The following OPRM1 variants were observed in gnomAD, a reference collection of about 807,000 sequenced individuals.
The protein encoded by OPRM1 is opioid receptor mu 1.
A neutral mutation model predicts 31.8 loss-of-function variants in OPRM1; 27 were observed. The ratio of observed to expected loss-of-function variants is 0.85; its 90% CI spans 0.63 to 1.17. The LOEUF is 1.17. Among genes scored for constraint, OPRM1 ranks in the 50% most tolerant of loss-of-function variants. The pLI, the probability that OPRM1 is intolerant of heterozygous loss-of-function variation, is 0.00. For missense variants in OPRM1, 536 were observed against 511.1 expected (o/e 1.05, Z -0.47); for synonymous variants, 196 against 189.9 (o/e 1.03, Z -0.26).
At chr6:154,033,369 C>A (rs955307726) in intron 1 of OPRM1, among the ~76,000 whole-genome samples, 2 of 152,070 alleles carry the variant, frequency 1.3e-5, no homozygotes, top group Admixed American at 1.3e-4. Context: ...GAATAAAGTG[C>A]CAGTTTTTAA....
chr6:154,231,100 G>A (rs538066338), intron 3 of OPRM1, among the ~76,000 whole-genome samples: 1 of 152,306 alleles, frequency 6.6e-6, no homozygotes, highest in South Asian at 2.1e-4. Context: ...TCTAAACTCT[G>A]AGCTGAGCTG....
At chr6:154,055,482 G>A (rs775514049) in intron 1 of OPRM1, among the ~76,000 whole-genome samples, 6 of 151,896 alleles carry the variant, frequency 4.0e-5, no homozygotes, top group Non-Finnish European at 8.8e-5. Flanking sequence ...CACACCATCA[G>A]TATGCAACCT....
intron 1 of OPRM1, among the ~76,000 whole-genome samples, chr6:154,021,666 A>G (rs1255263229): frequency 6.6e-6 from 1 of 152,188 alleles, no homozygotes; most frequent in Non-Finnish European, 1.5e-5. Flanking sequence ...AAGGTCTTAT[A>G]TATTTTCGTT....
At chr6:154,036,262 T>C (rs1439860494), upstream of OPRM1, among the ~76,000 whole-genome samples, 10 of 152,106 alleles carry the variant, frequency 6.6e-5, no homozygotes, top group Admixed American at 2.0e-4. Context: ...AAATTTGTTC[T>C]GCAGCTTCCT....
At chr6:154,084,917 A>AACACACACACACACAC (rs71669485) in intron 1 of OPRM1, among the ~76,000 whole-genome samples, 1 of 146,398 alleles carries the variant, frequency 6.8e-6, no homozygotes, top group African/African-American at 2.5e-5. Flanking sequence ...TGTGGAATTA[A>AACACACACACACACAC]ACACACACAC....
Position 154,089,757 on chromosome 6 carries a change from T to C in OPRM1, c.291-69T>C, listed in dbSNP as rs961426407. 12 of 1,073,946 alleles carry C rather than the reference T, an allele frequency of 1.1e-5. No homozygotes were observed. The African/African-American group carries it at 1.9e-4, about 17-fold the overall frequency. 66.5% of individuals were successfully genotyped at this position (1,073,946 alleles called of 1,614,324 possible). On this transcript the variant is annotated intron_variant, in intron 1 of 3. Transcript: ENST00000330432. Reference sequence around the variant, plus strand: ...TCTACTAATTCATGCAAATTTATTATTGGAAGCTTACCTATATTTTACACT... The same window carrying C: ...TCTACTAATTCATGCAAATTTATTACTGGAAGCTTACCTATATTTTACACT...
chr6:154,100,039 T>TG lies in OPRM1; in HGVS notation c.1164+8567_1164+8568insG, dbSNP rs767489279. Among the ~76,000 whole-genome samples, 13 of 85,000 alleles carry TG rather than the reference T, an allele frequency of 1.5e-4. No homozygotes were observed. In the Admixed American group the frequency reaches 1.8e-3, roughly 12 times the overall value. 55.8% of individuals were successfully genotyped at this position (85,000 alleles called of 152,430 possible). On this transcript the variant is annotated intron_variant, in intron 3 of 3. Transcript: ENST00000330432. Reference sequence around the variant, plus strand: ...TATCATAACATATTATATATTATCATATGATATATATCATATGATATATAT... The same window carrying TG: ...TATCATAACATATTATATATTATCATGATGATATATATCATATGATATATAT...
At chr6:154,107,565 G>A (rs1209265762) in intron 3 of OPRM1, 1 of 718,522 alleles carries the variant, frequency 1.4e-6, no homozygotes, top group Non-Finnish European at 2.6e-6. Context: ...AGAGTCTAGA[G>A]CATTAATTTT....
At chr6:154,092,019 A>T in intron 3 of OPRM1, 1 of 684,870 alleles carries the variant, frequency 1.5e-6, no homozygotes, top group Non-Finnish European at 1.8e-6. Context: ...TTGGTTTGCT[A>T]CCTGAACTCT....
intron 3 of OPRM1, among the ~76,000 whole-genome samples, chr6:154,172,264 C>A (rs1799935160): frequency 6.6e-6 from 1 of 152,296 alleles, no homozygotes; most frequent in Non-Finnish European, 1.5e-5. Flanking sequence ...ACTGAAGTAC[C>A]TGGTTCATCT....
chr6:154,037,817 C>G (rs1352731117), upstream of OPRM1, among the ~76,000 whole-genome samples: 1 of 151,914 alleles, frequency 6.6e-6, no homozygotes, highest in East Asian at 1.9e-4. Flanking sequence ...CATACAGCTA[C>G]AAAGTTACAA....
Position 154,228,164 on chromosome 6 carries a change from C to T in OPRM1, c.1165-18529C>T, listed in dbSNP as rs181047298. The stretch of plus-strand genomic sequence containing the variant: ...TCCTTCTTCTTCAATTCCTAACTTT[C>T]TAAAAAGTTTCCTGCAGGCAGCCAA... On this transcript the variant is annotated intron_variant, in intron 3 of 3. Coordinates refer to the OPRM1 transcript ENST00000337049. Among the ~76,000 whole-genome samples the T allele has an allele frequency of 2.7e-3, 407 of 151,996 alleles. 4 individuals carry two copies. The highest frequency in any genetic ancestry group is 0.024 in the Admixed American group (359 of 15,256).
At position 154,152,318 on chromosome 6, in the gene OPRM1, AGAAAGAAAGAAAGAAAGAAAGAAAGAAAG is replaced by A. The variant is rs1370996365; in HGVS notation, c.1164+60876_1164+60904del. 2.2e-3 allele frequency among the ~76,000 whole-genome samples: 116 copies of A among 52,886 alleles called. 1 individual carries two copies. Among genetic ancestry groups the A allele is most frequent in the African/African-American group, 6.9e-3 (111 of 16,026 alleles). The allele number at this position is 52,886 out of a possible 152,430, so 34.7% of individuals were successfully genotyped here. A position where few individuals can be genotyped will look rare whatever the true frequency, so the allele number is the denominator to read the frequency against. On this transcript the variant is annotated intron_variant, in intron 3 of 3. Transcript: ENST00000337049. ...AGAGAAGAAAGAAAGAAAGAAAGAAAGAAAGAAAGAAAGAAAGAAAGAAAGAAAGGAAAGAAAGAAAGAAAGAAAGAAAG... is the reference window on the plus strand; with the variant it reads ...AGAGAAGAAAGAAAGAAAGAAAGAAAGAAAGAAAGAAAGAAAGAAAGAAAG...
At chr6:154,063,335 G>A (rs1219949391) in intron 1 of OPRM1, among the ~76,000 whole-genome samples, 2 of 151,864 alleles carry the variant, frequency 1.3e-5, no homozygotes, top group African/African-American at 4.8e-5. Flanking sequence ...TATACAGATA[G>A]CTTATGTTTC....
At chr6:154,151,723 C>T (rs1182532552) in intron 3 of OPRM1, among the ~76,000 whole-genome samples, 1 of 152,106 alleles carries the variant, frequency 6.6e-6, no homozygotes, top group African/African-American at 2.4e-5. Context: ...TTCCCTACAC[C>T]TCCTACTCTG....
chr6:154,030,369 G>A lies in OPRM1; in HGVS notation c.1-8792G>A, dbSNP rs1284048612. Among the ~76,000 whole-genome samples, 4 of 152,270 alleles carry A rather than the reference G, an allele frequency of 2.6e-5. No individual in the cohort carries two copies. In the East Asian group the frequency reaches 7.7e-4, roughly 29 times the overall value. ...CTTTTATACCCAGAAAAATTTTAAA[G>A]ATTCAAAACAGGACTATGTCTGTCT... On this transcript the variant is annotated intron_variant, in intron 1 of 5. Coordinates refer to the OPRM1 transcript ENST00000434900.
rs151304372 is a variant in OPRM1 at position 154,202,244 on chromosome 6, G to T, written c.1165-44449G>T. Reference sequence around the variant, plus strand: ...CTTCTCAATAATCATATACTGGCACGTACATAAAAAAAATCCATTCAGGAA... The same window carrying T: ...CTTCTCAATAATCATATACTGGCACTTACATAAAAAAAATCCATTCAGGAA... On this transcript the variant is annotated intron_variant, in intron 3 of 3. Coordinates refer to the OPRM1 transcript ENST00000337049. Among the ~76,000 whole-genome samples the T allele has an allele frequency of 3.0e-3, 460 of 152,000 alleles. 4 individuals carry two copies. The highest frequency in any genetic ancestry group is 0.01 in the African/African-American group (435 of 41,478).
At chr6:154,114,210 T>C (rs1583603290) in intron 3 of OPRM1, among the ~76,000 whole-genome samples, 2 of 152,186 alleles carry the variant, frequency 1.3e-5, no homozygotes, top group East Asian at 3.8e-4. Context: ...CAGGCTTCCT[T>C]TCTCTTAGGA....
In OPRM1 at chr6:154,040,603, G is replaced by A. The variant is rs750348537; in HGVS notation, c.290+769G>A. On this transcript the variant is annotated intron_variant, in intron 1 of 3. Transcript: ENST00000330432. ...ATGGGTAGGTTGGTTCAGGAGAACC[G>A]CAGGACATGGCTGTATTTCATTGCC... is the stretch of plus-strand genomic sequence containing the variant. Among the ~76,000 whole-genome samples the A allele has an allele frequency of 3.3e-5, 5 of 152,180 alleles. No homozygotes were observed. The South Asian group carries it at 6.2e-4, about 19-fold the overall frequency.
Sources: allele counts gnomAD v4.1 joint callset (sites outside exome capture counted in the v4.1 genomes callset), GRCh38; gene constraint gnomAD v4.1.1; transcripts MANE v1.5; gene names NCBI Gene and HGNC (gene_info 2026-07-23, HGNC 2026-07-21).